SLC25A21: variants seen among roughly 807,000 people sequenced by gnomAD.
SLC25A21 encodes the protein mitochondrial 2-oxodicarboxylate carrier.
Under a neutral mutation model 43.8 loss-of-function variants are expected in SLC25A21, and 47 were observed. The ratio of observed to expected loss-of-function variants is 1.07; its 90% confidence interval spans 0.85 to 1.37. The LOEUF is 1.37. Ranked by LOEUF, SLC25A21 falls within the 40% of genes most tolerant of loss-of-function variation. SLC25A21 has a pLI of 0.00. For synonymous variants in SLC25A21, 131 were observed against 121.3 expected (o/e 1.08, Z -0.52); for missense variants, 352 against 350.2 (o/e 1.00, Z -0.04).
chr14:36,957,242 C>G (rs1594718872), intron 1 of SLC25A21, among the ~76,000 whole-genome samples: 1 of 152,154 alleles, frequency 6.6e-6, no homozygotes. Context: ...TAGCAAAGAT[C>G]CAGAGACTCA....
rs917841191 is a variant in SLC25A21, at chr14:36,923,440, T to C, written c.71-48436A>G. Among the ~76,000 whole-genome samples, 5 of 152,254 alleles carry C rather than the reference T, an allele frequency of 3.3e-5. No individual in the cohort carries two copies. The South Asian group carries it at 1.0e-3, about 32-fold the overall frequency. The stretch of plus-strand genomic sequence containing the variant: ...CTATAAGAAATACTAAAAGAAGTCC[T>C]ACAACCAGAAGAAAAATGATATCAG... On this transcript the variant is annotated intron_variant, in intron 1 of 9. Transcript: ENST00000331299.
intron 1 of SLC25A21, among the ~76,000 whole-genome samples, chr14:37,093,987 A>G (rs1962638554): frequency 6.6e-6 from 1 of 152,022 alleles, no homozygotes; most frequent in African/African-American, 2.4e-5. Flanking sequence ...AATTTTGAAG[A>G]CTCTATTTTA....
chr14:36,993,250 T>C (rs1054909072), intron 1 of SLC25A21, among the ~76,000 whole-genome samples: 1 of 152,174 alleles, frequency 6.6e-6, no homozygotes, highest in Non-Finnish European at 1.5e-5. Flanking sequence ...CTTGTGGTTA[T>C]GCTACATGAG....
At chr14:36,975,678 G>T (rs1959854093) in intron 1 of SLC25A21, among the ~76,000 whole-genome samples, 1 of 152,174 alleles carries the variant, frequency 6.6e-6, no homozygotes, top group South Asian at 2.1e-4. Context: ...AGATAATCTT[G>T]TGTAGTCCAT....
chr14:36,792,527 T>A (rs1354091806), intron 3 of SLC25A21, among the ~76,000 whole-genome samples: 1 of 152,120 alleles, frequency 6.6e-6, no homozygotes, highest in South Asian at 2.1e-4. Flanking sequence ...AATAGAAAGA[T>A]TGGTTTGCGA....
At chr14:36,735,402 C>T (rs886081241) in intron 3 of SLC25A21, among the ~76,000 whole-genome samples, 3 of 151,672 alleles carry the variant, frequency 2.0e-5, no homozygotes, top group Non-Finnish European at 4.4e-5. Context: ...CATTTCAAAC[C>T]TTAAAATATA....
chr14:36,865,204 C>T (rs1189235931), intron 2 of SLC25A21, among the ~76,000 whole-genome samples: 2 of 152,040 alleles, frequency 1.3e-5, no homozygotes, highest in African/African-American at 4.8e-5. Flanking sequence ...CTTCACAGAC[C>T]CTGGCTTCAC....
intron 1 of SLC25A21, among the ~76,000 whole-genome samples, chr14:37,028,146 A>G (rs939176066): frequency 3.3e-5 from 5 of 151,544 alleles, no homozygotes; most frequent in African/African-American, 1.2e-4. Context: ...ACGTGTGTAT[A>G]AACAGCAAAC....
At chr14:36,688,435 AG>A (rs1882647038) in intron 7 of SLC25A21, among the ~76,000 whole-genome samples, 1 of 152,212 alleles carries the variant, frequency 6.6e-6, no homozygotes, top group South Asian at 2.1e-4. Flanking sequence ...AGTACACTGT[AG>A]GTGCTAAATA....
intron 1 of SLC25A21, among the ~76,000 whole-genome samples, chr14:37,031,472 T>A (rs917303048): frequency 6.6e-6 from 1 of 152,186 alleles, no homozygotes; most frequent in African/African-American, 2.4e-5. Flanking sequence ...ATAATAAAAC[T>A]TCAGTAGAAG....
intron 1 of SLC25A21, among the ~76,000 whole-genome samples, chr14:37,084,037 T>C (rs1012991936): frequency 6.6e-6 from 1 of 152,160 alleles, no homozygotes; most frequent in African/African-American, 2.4e-5. Context: ...TCCTGGACGG[T>C]CCCATTAAGC....
intron 1 of SLC25A21, chr14:36,952,199 C>G (rs371596594): frequency 3.9e-5 from 6 of 152,948 alleles, no homozygotes; most frequent in African/African-American, 1.5e-4. Context: ...CCACTGCACT[C>G]CAGCCTGGGC....
chr14:37,125,837 G>A (rs1393601272), intron 1 of SLC25A21, among the ~76,000 whole-genome samples: 2 of 152,152 alleles, frequency 1.3e-5, no homozygotes, highest in African/African-American at 4.8e-5. Context: ...TCCAAATGCT[G>A]TGGCAAGATT....
chr14:36,753,046 A>G (rs1465347607), intron 3 of SLC25A21, among the ~76,000 whole-genome samples: 1 of 152,176 alleles, frequency 6.6e-6, no homozygotes, highest in Non-Finnish European at 1.5e-5. Flanking sequence ...AAACTCACTG[A>G]GACAGAAAGT....
intron 2 of SLC25A21, among the ~76,000 whole-genome samples, chr14:36,862,898 G>C (rs367667027): frequency 6.6e-6 from 1 of 151,958 alleles, no homozygotes; most frequent in Non-Finnish European, 1.5e-5. Flanking sequence ...ATAGTAACAC[G>C]CAAATTGGAA....
chr14:36,754,952 A>G (rs1015155457), intron 3 of SLC25A21, among the ~76,000 whole-genome samples: 2 of 152,218 alleles, frequency 1.3e-5, no homozygotes, highest in African/African-American at 4.8e-5. Flanking sequence ...AACTCAATAC[A>G]CAGTTAATAA....
At chr14:36,735,894 C>A (rs1885015035) in intron 3 of SLC25A21, among the ~76,000 whole-genome samples, 2 of 134,484 alleles carry the variant, frequency 1.5e-5, no homozygotes, top group South Asian at 2.4e-4. Context: ...AGAAAGGGAT[C>A]AAATTATTCT....
intron 1 of SLC25A21, among the ~76,000 whole-genome samples, chr14:36,967,531 C>T (rs999469890): frequency 6.6e-6 from 1 of 152,180 alleles, no homozygotes; most frequent in Admixed American, 6.5e-5. Context: ...TCCCCACACC[C>T]AAAACGCGGG....
At position 36,748,073 on chromosome 14, in the gene SLC25A21, C is replaced by T. The variant is rs562206041; in HGVS notation, c.204-13500G>A. Among the ~76,000 whole-genome samples, 11 of 152,290 alleles carry T rather than the reference C, an allele frequency of 7.2e-5. No individual in the cohort carries two copies. In the South Asian group the frequency reaches 2.1e-3, roughly 29 times the overall value. ...CTCTCAGCGAAGTTAAGCAACTTTC[C>T]TAGTAGTGAAACAGCTAGTAAGTGA... On this transcript the variant is annotated intron_variant, in intron 3 of 9. Transcript: ENST00000331299.
Sources: gnomAD v4.1 joint callset for allele counts (sites outside exome capture counted in the v4.1 genomes callset) on GRCh38, gnomAD v4.1.1 for gene constraint, MANE v1.5 for transcripts, NCBI Gene and HGNC (gene_info 2026-07-23, HGNC 2026-07-21) for gene names.